The following HEPHL1 variants were observed in gnomAD, a reference collection of about 807,000 sequenced individuals.
HEPHL1 encodes the protein hephaestin like 1, also known as ferroxidase HEPHL1.
In HEPHL1, 123 loss-of-function variants were observed where a neutral mutation model predicts 122.0. That is an observed-to-expected ratio of 1.01 (90% CI 0.87 to 1.17). HEPHL1 has a LOEUF of 1.17. Among genes scored for constraint, HEPHL1 ranks in the 50% most tolerant of loss-of-function variants. HEPHL1 has a pLI of 0.00. For missense variants in HEPHL1, 1,452 were observed against 1,430.5 expected, an observed-to-expected ratio of 1.01 and a Z score of -0.24; for synonymous variants, 527 against 508.9, an observed-to-expected ratio of 1.04 and a Z score of -0.48.
chr11:94,111,598 A>C lies in HEPHL1; in HGVS notation c.3270A>C (p.Pro1090=). The change falls in exon 19 of 20, where the codon CCA becomes CCC. Residue 1090 remains proline, a synonymous_variant. Coordinates refer to ENST00000315765, the MANE Select transcript of HEPHL1 (RefSeq NM_001098672.2). ...PGVASHPATV[P]SNERPGKEQL... is the part of the protein sequence containing the mutation. ...TGGCATCTCACCCAGCCACGGTGCC[A>C]TCTAACGGTAATGATACCCTCTCCC... 1 of 1,606,634 alleles carries C rather than the reference A, an allele frequency of 6.2e-7. No homozygotes were observed. Among genetic ancestry groups the C allele is most frequent in the Non-Finnish European group, 8.5e-7 (1 of 1,176,208 alleles).
At chr11:94,028,869 G>A (rs1466253220) in intron 1 of HEPHL1, among the ~76,000 whole-genome samples, 3 of 152,214 alleles carry the variant, frequency 2.0e-5, no homozygotes, top group Admixed American at 6.5e-5. Context: ...AGGAGCTGGA[G>A]TTTCTGTTCT....
intron 17 of HEPHL1, among the ~76,000 whole-genome samples, chr11:94,110,485 C>T (rs1487722061): frequency 1.3e-5 from 2 of 152,176 alleles, no homozygotes; most frequent in African/African-American, 2.4e-5. Context: ...AAACTGGCTT[C>T]CTCCAGTGAG....
At chr11:94,069,893 T>C (rs1946060536) in intron 5 of HEPHL1, among the ~76,000 whole-genome samples, 3 of 152,140 alleles carry the variant, frequency 2.0e-5, no homozygotes, top group African/African-American at 7.2e-5. Context: ...CTTTTGGAAA[T>C]TGTTATTCTT....
Position 94,078,446 on chromosome 11 carries a change from C to CAT in HEPHL1, c.1716+3090_1716+3091dup, listed in dbSNP as rs6144452. On this transcript the variant is annotated intron_variant, in intron 9 of 19. Transcript: ENST00000315765. The stretch of plus-strand genomic sequence containing the variant: ...GACACCAGCCACTACTCAGATGTTC[C>CAT]ATATATATATATATATATATATATA... 3.3e-3 allele frequency among the ~76,000 whole-genome samples: 367 copies of CAT among 111,528 alleles called. 10 individuals are homozygous for CAT. Among genetic ancestry groups the CAT allele is most frequent in the African/African-American group, 0.011 (326 of 28,900 alleles). 73.2% of individuals were successfully genotyped at this position (111,528 alleles called of 152,430 possible). A position where few individuals can be genotyped will look rare whatever the true frequency, so the allele number is the denominator to read the frequency against.
At chr11:94,088,495 T>C (rs558068334) in intron 11 of HEPHL1, among the ~76,000 whole-genome samples, 51 of 152,314 alleles carry the variant, frequency 3.3e-4, no homozygotes, top group African/African-American at 1.2e-3. Context: ...CCCAGAAAAG[T>C]CATTTCTTGG....
Position 94,075,190 on chromosome 11 carries a change from G to A in HEPHL1, c.1521G>A (p.Gly507=), listed in dbSNP as rs755078094. The A allele has an allele frequency of 6.2e-7, 1 of 1,612,866 alleles. No individual in the cohort carries two copies. The highest frequency in any genetic ancestry group is 1.7e-5 in the Admixed American group (1 of 59,812). ...APNLDGFVKP[G]AHVKPGETFT... is the part of the protein sequence containing the mutation. ...TATCCTCAGGATTTGTGAAACCAGG[G>A]GCGCATGTTAAACCAGGTGAAACCT... Residue 507 remains glycine, a synonymous_variant, in exon 9 of 20, where the codon GGG becomes GGA. Coordinates refer to ENST00000315765, the MANE Select transcript of HEPHL1 (RefSeq NM_001098672.2).
Position 94,075,369 on chromosome 11 carries a change from A to G in HEPHL1, c.1700A>G (p.Asn567Ser), listed in dbSNP as rs1205995928. 5 of 1,612,486 alleles carry G rather than the reference A, an allele frequency of 3.1e-6. No individual in the cohort carries two copies. Among genetic ancestry groups the G allele is most frequent in the Admixed American group, 3.3e-5 (2 of 59,912 alleles). The change falls in exon 9 of 20, where the codon AAT becomes AGT. Residue 567 changes from asparagine to serine, a missense_variant. Coordinates refer to ENST00000315765, the MANE Select transcript of HEPHL1 (RefSeq NM_001098672.2). ...CTAGTCTGTAAAAAGGGCGTCCTCAATGCTGATGGGACACAGGTAGGCCAT... is the reference window on the plus strand; with the variant it reads ...CTAGTCTGTAAAAAGGGCGTCCTCAGTGCTGATGGGACACAGGTAGGCCAT... ...PLLVCKKGVL[N>S]ADGTQKGIDK... is the part of the protein sequence containing the mutation.
intron 16 of HEPHL1, 109 bp downstream of exon 16, chr11:94,104,859 G>T: frequency 4.7e-6 from 4 of 849,676 alleles, no homozygotes; most frequent in Non-Finnish European, 7.4e-6. Context: ...CCTTCCCAGG[G>T]GCACCTGGAC....
At chr11:94,073,190 T>C (rs1413613246) in intron 7 of HEPHL1, 26 bp downstream of exon 7, 3 of 1,612,212 alleles carry the variant, frequency 1.9e-6, no homozygotes, top group East Asian at 2.2e-5. Context: ...CCCCCATGCA[T>C]TGAACCCAGG....
chr11:94,042,282 G>C (rs560985322), intron 1 of HEPHL1, among the ~76,000 whole-genome samples: 29 of 118,976 alleles, frequency 2.4e-4, no homozygotes, highest in African/African-American at 1.0e-3. Flanking sequence ...TGGTGGGACT[G>C]TAAACTAGTT....
intron 2 of HEPHL1, among the ~76,000 whole-genome samples, chr11:94,046,138 A>AGGCT (rs1945836275): frequency 9.5e-6 from 1 of 105,512 alleles, no homozygotes; most frequent in Admixed American, 1.5e-4. Context: ...TCTGTTGCCC[A>AGGCT]GGCTGGAATG....
At position 94,063,624 on chromosome 11, in the gene HEPHL1, G is replaced by A. The variant is rs779368553; in HGVS notation, c.532G>A (p.Asp178Asn). Reference sequence around the variant, plus strand: ...AGAAGAATATGCACCTACTCCAGCCGATGCCAACTGCCTGACCTGGGTGTA... The same window carrying A: ...AGAAGAATATGCACCTACTCCAGCCAATGCCAACTGCCTGACCTGGGTGTA... ...VREEYAPTPA[D>N]ANCLTWVYHS... The change falls in exon 3 of 20, where the codon GAT (aspartate) becomes AAT (asparagine). Residue 178 changes from aspartate (D) to asparagine (N), a missense_variant. Coordinates refer to ENST00000315765, the MANE Select transcript of HEPHL1 (RefSeq NM_001098672.2). 1.5e-5 allele frequency: 24 copies of A among 1,613,856 alleles called. No individual in the cohort carries two copies. Among genetic ancestry groups the A allele is most frequent in the East Asian group, 2.2e-5 (1 of 44,878 alleles).
intron 2 of HEPHL1, among the ~76,000 whole-genome samples, chr11:94,056,616 A>G (rs939849305): frequency 7.0e-6 from 1 of 143,808 alleles, no homozygotes; most frequent in South Asian, 2.4e-4. Context: ...GCTTTGCTCC[A>G]TAAAGCTCCA....
rs759581172 is a variant in HEPHL1 at position 94,063,603 on chromosome 11, G to T, written c.511G>T (p.Glu171Ter). 1.9e-6 allele frequency: 3 copies of T among 1,613,712 alleles called. No homozygotes were observed. The highest frequency in any genetic ancestry group is 1.3e-5 in the African/African-American group (1 of 74,878). The stretch of plus-strand genomic sequence containing the variant: ...CACCTACGTCTGGCCGGTGAGAGAA[G>T]AATATGCACCTACTCCAGCCGATGC... ...NYTYVWPVREEYAPTPADANC... is the reference protein window; with the variant it reads ...NYTYVWPVRE Residue 171 changes from glutamate (E) to a stop codon, truncating the protein, a stop_gained, in exon 3 of 20, where the codon GAA (glutamate) becomes TAA (stop). Transcript: ENST00000315765. LOFTEE classifies it high-confidence loss of function.
In HEPHL1 at chr11:94,110,009, T is replaced by C. The variant is rs182218813; in HGVS notation, c.3046-894T>C. Among the ~76,000 whole-genome samples, 246 of 152,342 alleles carry C rather than the reference T, an allele frequency of 1.6e-3. 2 individuals are homozygous for C. The highest frequency in any genetic ancestry group is 5.5e-3 in the African/African-American group (230 of 41,582). ...GCAATTACAGTTTCTTTAATAGATA[T>C]AGTGCTATCCAGGTTATCAATGTAT... On this transcript the variant is annotated intron_variant, in intron 17 of 19. Coordinates refer to ENST00000315765, the MANE Select transcript of HEPHL1 (RefSeq NM_001098672.2).
At chr11:94,055,903 C>G in intron 2 of HEPHL1, 1 of 866,326 alleles carries the variant, frequency 1.2e-6, no homozygotes, top group Non-Finnish European at 1.8e-6. Context: ...AAGGCAGAGC[C>G]TACCGTGCCT....
chr11:94,082,409 T>C lies in HEPHL1; in HGVS notation c.1717-9T>C. ...ACCTTTTATGTATTCATTTCTTTCT[T>C]CTCTGTAGAAAGGAATAGACAAGGA... On this transcript the variant is annotated splice_polypyrimidine_tract_variant and intron_variant, in intron 9 of 19. Coordinates refer to ENST00000315765, the MANE Select transcript of HEPHL1 (RefSeq NM_001098672.2). 1 of 1,589,706 alleles carries C rather than the reference T, an allele frequency of 6.3e-7. No individual in the cohort carries two copies. Among genetic ancestry groups the C allele is most frequent in the Non-Finnish European group, 8.6e-7 (1 of 1,165,640 alleles).
intron 6 of HEPHL1, among the ~76,000 whole-genome samples, chr11:94,072,027 C>T (rs1287384270): frequency 2.6e-5 from 4 of 151,924 alleles, no homozygotes; most frequent in Non-Finnish European, 5.9e-5. Flanking sequence ...ATTTGATTGG[C>T]AATTGGAAGC....
chr11:94,104,388 G>A, intron 15 of HEPHL1, 140 bp from the exon 16 acceptor site: 1 of 632,722 alleles, frequency 1.6e-6, no homozygotes, highest in East Asian at 2.7e-5. Context: ...CTGGAGGTGG[G>A]GTGAATCAGA....
Sources: allele counts gnomAD v4.1 joint callset (sites outside exome capture counted in the v4.1 genomes callset), GRCh38; gene constraint gnomAD v4.1.1; transcripts MANE v1.5; gene names NCBI Gene and HGNC (gene_info 2026-07-23, HGNC 2026-07-21).